The following FER variants were observed in gnomAD, a reference collection of about 807,000 sequenced individuals.
The protein encoded by FER is FER tyrosine kinase.
Under a neutral mutation model 111.0 loss-of-function variants are expected in FER, and 63 were observed. The observed-to-expected ratio is 0.57, with a 90% confidence interval of 0.46 to 0.70. The LOEUF (loss-of-function observed/expected upper bound fraction) is 0.70, where lower values mean the gene tolerates loss of function less well. Ranked by LOEUF, FER falls within the 30% of genes least tolerant of loss-of-function variation. The pLI is 0.00. For synonymous variants in FER, 327 were observed against 313.9 expected, an observed-to-expected ratio of 1.04 and a Z score of -0.44; for missense variants, 914 against 954.0, an observed-to-expected ratio of 0.96 and a Z score of 0.55.
chr5:108,752,549 C>T (rs1486179563), intron 1 of FER, among the ~76,000 whole-genome samples: 1 of 151,714 alleles, frequency 6.6e-6, no homozygotes, highest in Non-Finnish European at 1.5e-5. Flanking sequence ...AGAGTCAGAA[C>T]AGAGGAATTA....
At chr5:109,042,121 A>G (rs1391175383) in intron 14 of FER, among the ~76,000 whole-genome samples, 1 of 152,188 alleles carries the variant, frequency 6.6e-6, no homozygotes, top group South Asian at 2.1e-4. Context: ...AAGAAGGATC[A>G]AATAGAAGTA....
intron 17 of FER, among the ~76,000 whole-genome samples, chr5:109,156,118 A>G (rs1056381568): frequency 1.3e-5 from 2 of 152,084 alleles, no homozygotes; most frequent in African/African-American, 4.8e-5. Context: ...AAGAAATGAT[A>G]AGATTTGTGT....
intron 13 of FER, among the ~76,000 whole-genome samples, chr5:109,008,987 C>T (rs1181889985): frequency 6.6e-6 from 1 of 151,292 alleles, no homozygotes; most frequent in African/African-American, 2.4e-5. Flanking sequence ...ACAACAACAA[C>T]AACAACAAAA....
intron 5 of FER, among the ~76,000 whole-genome samples, chr5:108,859,772 G>GTGTTTTATATTGAATTTTTAAAC (rs1246004070): frequency 3.3e-5 from 5 of 151,832 alleles, no homozygotes; most frequent in Non-Finnish European, 7.4e-5. Flanking sequence ...CTCTTTAAAG[G>GTGTTTTATATTGAATTTTTAAAC]TGTTTTATAT....
chr5:108,969,868 T>C (rs981276591), intron 13 of FER, among the ~76,000 whole-genome samples: 1 of 148,170 alleles, frequency 6.7e-6, no homozygotes, highest in Non-Finnish European at 1.5e-5. Flanking sequence ...TGGAAGGCTA[T>C]ATTCCAGGAT....
chr5:108,975,437 A>C lies in FER; in HGVS notation c.1656+16090A>C, dbSNP rs532898475. ...TAAAATAAAAATAAATTTGTCTTGC[A>C]TTAAGCTACTAAATATATGACAATT... On this transcript the variant is annotated intron_variant, in intron 13 of 19. Transcript: ENST00000281092. Among the ~76,000 whole-genome samples the C allele has an allele frequency of 8.5e-5, 13 of 152,334 alleles. 1 individual carries two copies. In the South Asian group the frequency reaches 2.7e-3, roughly 32 times the overall value.
In FER at chr5:108,900,803, G is replaced by A. The variant is rs145095764; in HGVS notation, c.1236+2955G>A. Among the ~76,000 whole-genome samples, 690 of 152,258 alleles carry A rather than the reference G, an allele frequency of 4.5e-3. 7 individuals are homozygous for A. Among genetic ancestry groups the A allele is most frequent in the African/African-American group, 0.016 (658 of 41,562 alleles). On this transcript the variant is annotated intron_variant, in intron 10 of 19. Coordinates refer to ENST00000281092, the MANE Select transcript of FER (RefSeq NM_005246.4). The stretch of plus-strand genomic sequence containing the variant: ...AATGATCAAATGTGTAATCAGGGTT[G>A]GGGTTGTATAGTCAAGTTCTTAGTG...
chr5:109,138,465 A>G (rs2217649), intron 17 of FER, among the ~76,000 whole-genome samples: 30,718 of 152,126 alleles, frequency 0.2, 3,221 homozygotes, highest in Non-Finnish European at 0.22. Context: ...CATATATCCA[A>G]TCATCGTGTT....
intron 17 of FER, among the ~76,000 whole-genome samples, chr5:109,149,681 A>G (rs532903194): frequency 6.6e-6 from 1 of 152,312 alleles, no homozygotes; most frequent in East Asian, 1.9e-4. Context: ...GGAGTAATGT[A>G]GGTAAGTAGT....
At chr5:109,035,434 G>A (rs965669748) in intron 13 of FER, among the ~76,000 whole-genome samples, 3 of 152,178 alleles carry the variant, frequency 2.0e-5, no homozygotes, top group Non-Finnish European at 4.4e-5. Flanking sequence ...ACTCAGCAAA[G>A]TGATTTGCAA....
Position 108,876,911 on chromosome 5 carries a change from T to C in FER, c.923+4699T>C, listed in dbSNP as rs117157599. On this transcript the variant is annotated intron_variant, in intron 8 of 19. Transcript: ENST00000281092. ...CATTACGATAACATGTGCCCAGTTATTACTGTATTTTGAATTTGCCAACAA... is the reference window on the plus strand; with the variant it reads ...CATTACGATAACATGTGCCCAGTTACTACTGTATTTTGAATTTGCCAACAA... Among the ~76,000 whole-genome samples, 484 of 152,332 alleles carry C rather than the reference T, an allele frequency of 3.2e-3. 8 individuals carry two copies. The East Asian group carries it at 0.045, about 14-fold the overall frequency.
chr5:108,984,425 G>GA (rs1034210957), intron 13 of FER, among the ~76,000 whole-genome samples: 1 of 152,074 alleles, frequency 6.6e-6, no homozygotes, highest in Non-Finnish European at 1.5e-5. Flanking sequence ...TATCCTTAGG[G>GA]AATAAAGCTG....
At chr5:108,924,601 G>A in intron 10 of FER, 2 of 1,230,660 alleles carry the variant, frequency 1.6e-6, no homozygotes, top group Non-Finnish European at 2.0e-6. Context: ...ACACAGGAAG[G>A]TTTGTTGGTA....
chr5:109,138,283 T>A (rs1753131458), intron 17 of FER, among the ~76,000 whole-genome samples: 1 of 152,094 alleles, frequency 6.6e-6, no homozygotes, highest in Admixed American at 6.6e-5. Flanking sequence ...GTGGGAATTA[T>A]CAAAGACAGT....
chr5:108,830,557 A>G (rs1003519701), intron 3 of FER: 3 of 152,296 alleles, frequency 2.0e-5, no homozygotes, highest in African/African-American at 7.2e-5. Flanking sequence ...TTATTGTATT[A>G]TTATTATTAT....
chr5:108,953,892 C>T (rs1758083161), intron 11 of FER, among the ~76,000 whole-genome samples: 1 of 152,004 alleles, frequency 6.6e-6, no homozygotes, highest in Admixed American at 6.6e-5. Context: ...GCCATAAAAA[C>T]AACAACAACA....
At chr5:108,957,306 T>C (rs745697858) in intron 12 of FER, among the ~76,000 whole-genome samples, 2 of 151,578 alleles carry the variant, frequency 1.3e-5, no homozygotes, top group Admixed American at 6.6e-5. Context: ...TAAATAGACA[T>C]TTCTCCAAAA....
intron 3 of FER, among the ~76,000 whole-genome samples, chr5:108,819,183 T>TC (rs1391153612): frequency 1.3e-5 from 2 of 150,598 alleles, no homozygotes; most frequent in Non-Finnish European, 3.0e-5. Flanking sequence ...GCTCAGCTTT[T>TC]TTTTTTTTTT....
chr5:108,862,081 T>C (rs1173717230), intron 5 of FER, among the ~76,000 whole-genome samples: 3 of 152,174 alleles, frequency 2.0e-5, no homozygotes, highest in African/African-American at 7.2e-5. Context: ...TGTCAAAACA[T>C]AACCTGAAAT....
Sources: allele counts gnomAD v4.1 joint callset (sites outside exome capture counted in the v4.1 genomes callset), GRCh38; gene constraint gnomAD v4.1.1; transcripts MANE v1.5; gene names NCBI Gene and HGNC (gene_info 2026-07-23, HGNC 2026-07-21).